ARHGAP26: variants seen among roughly 807,000 people sequenced by gnomAD.
ARHGAP26 encodes the protein Rho GTPase activating protein 26.
A neutral mutation model predicts 104.8 loss-of-function variants in ARHGAP26; 38 were observed. That is an observed-to-expected ratio of 0.36 (90% confidence interval 0.28 to 0.48). ARHGAP26 has a LOEUF of 0.48. ARHGAP26 is among the 20% of genes least tolerant of loss of function. ARHGAP26 has a pLI of 0.99. For missense variants in ARHGAP26, 704 were observed against 947.9 expected (o/e 0.74, Z 3.38); for synonymous variants, 341 against 340.0 (o/e 1.00, Z -0.03).
chr5:142,949,484 A>G (rs1344949912), intron 11 of ARHGAP26, among the ~76,000 whole-genome samples: 3 of 152,162 alleles, frequency 2.0e-5, no homozygotes, highest in African/African-American at 7.2e-5. Context: ...TTAATGCATC[A>G]GAATCAGTGT....
intron 12 of ARHGAP26, among the ~76,000 whole-genome samples, chr5:143,023,230 A>C (rs1474855634): frequency 3.9e-5 from 6 of 152,206 alleles, no homozygotes; most frequent in Admixed American, 3.9e-4. Flanking sequence ...CGTTTTATTC[A>C]GGTTTGCCTT....
At chr5:143,189,087 A>G (rs956106499) in intron 20 of ARHGAP26, among the ~76,000 whole-genome samples, 2 of 152,320 alleles carry the variant, frequency 1.3e-5, no homozygotes, top group Admixed American at 6.5e-5. Context: ...TCTTGCAGGA[A>G]AAGTATGTTT....
At chr5:143,042,515 A>G (rs144057466) in intron 14 of ARHGAP26, among the ~76,000 whole-genome samples, 68 of 152,334 alleles carry the variant, frequency 4.5e-4, no homozygotes, top group African/African-American at 1.5e-3. Flanking sequence ...TCCATGAGCC[A>G]AATTTGCTTA....
chr5:142,980,123 C>T (rs2152726825), intron 11 of ARHGAP26, among the ~76,000 whole-genome samples: 1 of 152,298 alleles, frequency 6.6e-6, no homozygotes, highest in African/African-American at 2.4e-5. Flanking sequence ...TTTCCCTGTT[C>T]TTGGTGCTTC....
chr5:142,800,972 A>G (rs1761973549), intron 1 of ARHGAP26, among the ~76,000 whole-genome samples: 1 of 152,226 alleles, frequency 6.6e-6, no homozygotes, highest in East Asian at 1.9e-4. Context: ...CCTGATGGGG[A>G]ACATCAGGTC....
intron 11 of ARHGAP26, among the ~76,000 whole-genome samples, chr5:143,012,209 T>G (rs1188842731): frequency 6.6e-6 from 1 of 152,140 alleles, no homozygotes; most frequent in Non-Finnish European, 1.5e-5. Context: ...AGTGGCCTGG[T>G]AGCTTTAGTT....
rs1426637377 is a variant in ARHGAP26 at position 143,093,140 on chromosome 5, C to G, written c.1539-27848C>G. 5.4e-5 allele frequency among the ~76,000 whole-genome samples: 8 copies of G among 147,320 alleles called. No homozygotes were observed. The East Asian group carries it at 1.5e-3, about 27-fold the overall frequency. On this transcript the variant is annotated intron_variant, in intron 17 of 22. Transcript: ENST00000645722. ...TAAGGTTCTTGAGTCACTAAGCTAC[C>G]TTTTTGCTTTTTTTTTTTTTGGACT...
intron 11 of ARHGAP26, among the ~76,000 whole-genome samples, chr5:142,952,655 A>G (rs574931936): frequency 6.6e-6 from 1 of 152,292 alleles, no homozygotes; most frequent in East Asian, 1.9e-4. Context: ...GAGATCAGTC[A>G]TCCCATTACC....
At chr5:142,783,539 A>G (rs1757939088) in intron 1 of ARHGAP26, among the ~76,000 whole-genome samples, 1 of 152,152 alleles carries the variant, frequency 6.6e-6, no homozygotes, top group African/African-American at 2.4e-5. Context: ...GTTGCACAGC[A>G]AGGGGAACTC....
intron 11 of ARHGAP26, among the ~76,000 whole-genome samples, chr5:143,013,811 A>G (rs1779207069): frequency 6.6e-6 from 1 of 152,232 alleles, no homozygotes; most frequent in Admixed American, 6.5e-5. Flanking sequence ...TTATGTACGC[A>G]TATACATTTA....
intron 18 of ARHGAP26, among the ~76,000 whole-genome samples, chr5:143,131,367 G>A (rs930653281): frequency 6.6e-6 from 1 of 152,156 alleles, no homozygotes; most frequent in African/African-American, 2.4e-5. Flanking sequence ...CATTGTAATT[G>A]GGTAAGGGTC....
chr5:142,774,799 C>A (rs1196706577), intron 1 of ARHGAP26, among the ~76,000 whole-genome samples: 1 of 152,158 alleles, frequency 6.6e-6, no homozygotes. Flanking sequence ...CTAGTTTTAC[C>A]TTTTCCAGAA....
Position 142,894,267 on chromosome 5 carries a change from G to C in ARHGAP26, c.516G>C (p.Gln172His). Reference protein sequence around the residue: ...EADSQVDLVRQHFYEVSLEYV... With the variant: ...EADSQVDLVRHHFYEVSLEYV... The stretch of plus-strand genomic sequence containing the variant: ...ACAGCCAAGTGGACCTGGTCCGGCA[G>C]CATTTCTATGAAGTATCCCTGGAAT... The change falls in exon 6 of 23, where the codon CAG (glutamine) becomes CAC (histidine). Residue 172 changes from glutamine (Q) to histidine (H), a missense_variant. By Grantham distance (24) the Gln-to-His change is conservative (BLOSUM62 0). Around this residue, in one of 6 missense-constraint regions of ARHGAP26, gnomAD observed 106 missense variants for 120.5 expected, o/e 0.88. Transcript: ENST00000645722. 1 of 1,614,010 alleles carries C rather than the reference G, an allele frequency of 6.2e-7. No homozygotes were observed. The highest frequency in any genetic ancestry group is 8.5e-7 in the Non-Finnish European group (1 of 1,179,964).
intron 11 of ARHGAP26, among the ~76,000 whole-genome samples, chr5:143,002,059 G>A (rs115078521): frequency 0.011 from 1,734 of 152,260 alleles, 34 homozygotes; most frequent in African/African-American, 0.04. Flanking sequence ...GGATGAAGGC[G>A]ATCATGAACG....
At chr5:143,167,472 G>C (rs1157852774) in intron 20 of ARHGAP26, among the ~76,000 whole-genome samples, 1 of 91,000 alleles carries the variant, frequency 1.1e-5, no homozygotes, top group Non-Finnish European at 1.9e-5. Flanking sequence ...GACAGAGCAA[G>C]ACTCCATCTC....
At chr5:142,889,382 GC>G (rs1431277621) in intron 5 of ARHGAP26, among the ~76,000 whole-genome samples, 5 of 152,168 alleles carry the variant, frequency 3.3e-5, no homozygotes, top group Admixed American at 2.0e-4. Flanking sequence ...GTAGGCCAAG[GC>G]GGGTGGATCA....
chr5:143,138,443 ATATTT>A (rs1232633216), intron 19 of ARHGAP26, among the ~76,000 whole-genome samples: 2 of 152,376 alleles, frequency 1.3e-5, no homozygotes, highest in South Asian at 4.1e-4. Context: ...AAACCACTGA[ATATTT>A]TAGTGAGGAA....
chr5:142,903,896 T>C (rs1381708725), intron 8 of ARHGAP26, among the ~76,000 whole-genome samples: 3 of 152,174 alleles, frequency 2.0e-5, no homozygotes, highest in African/African-American at 4.8e-5. Flanking sequence ...TCTTTAAGGC[T>C]CTGTGGTTGC....
intron 17 of ARHGAP26, among the ~76,000 whole-genome samples, chr5:143,078,315 T>A (rs988243943): frequency 2.0e-5 from 3 of 151,876 alleles, no homozygotes; most frequent in Non-Finnish European, 2.9e-5. Flanking sequence ...ATCCCGAGAG[T>A]GAGTGAGGGC....
Sources: allele counts gnomAD v4.1 joint callset (sites outside exome capture counted in the v4.1 genomes callset), GRCh38; gene constraint gnomAD v4.1.1; regional missense constraint gnomAD v4.1.1; transcripts MANE v1.5; gene names NCBI Gene and HGNC (gene_info 2026-07-23, HGNC 2026-07-21).